The following GARIN1A variants were observed in gnomAD, a reference collection of about 807,000 sequenced individuals.
The protein encoded by GARIN1A is Golgi-associated RAB2 interactor protein 1A.
chr7:128,682,696 G>A, the GARIN1A span, among the ~76,000 whole-genome samples: 1 of 152,088 alleles, frequency 6.6e-6, no homozygotes, highest in African/African-American at 2.4e-5. Flanking sequence ...TCATGCCTCA[G>A]CCTCCCGAGT....
At chr7:128,704,725 A>G in the GARIN1A span, among the ~76,000 whole-genome samples, 1 of 152,118 alleles carries the variant, frequency 6.6e-6, no homozygotes, top group Non-Finnish European at 1.5e-5. Context: ...CTTGGGTGAT[A>G]ATGTAAGCAA....
At chr7:128,680,652 C>A in the GARIN1A span, among the ~76,000 whole-genome samples, 2 of 151,684 alleles carry the variant, frequency 1.3e-5, no homozygotes, top group Non-Finnish European at 2.9e-5. Context: ...GCAAACTCCA[C>A]CTCCTGGGTT....
the GARIN1A span, chr7:128,684,300 T>C: frequency 6.6e-6 from 1 of 152,250 alleles, no homozygotes; most frequent in East Asian, 1.9e-4. Flanking sequence ...TCCTTTGTGT[T>C]GCTCCACTAT....
the GARIN1A span, among the ~76,000 whole-genome samples, chr7:128,692,498 G>A: frequency 1.3e-5 from 2 of 152,116 alleles, no homozygotes; most frequent in African/African-American, 4.8e-5. Context: ...AAAGAGAAAA[G>A]AAACAAAACA....
the GARIN1A span, among the ~76,000 whole-genome samples, chr7:128,681,883 C>CT: frequency 4.0e-5 from 4 of 99,892 alleles, no homozygotes; most frequent in African/African-American, 1.6e-4. Flanking sequence ...CACACTGCAC[C>CT]CCCCCCCACA....
the GARIN1A span, among the ~76,000 whole-genome samples, chr7:128,699,720 A>G: frequency 4.6e-5 from 7 of 152,168 alleles, no homozygotes; most frequent in Admixed American, 2.0e-4. Context: ...TTCTCTGCCT[A>G]TGGTCTATTA....
the GARIN1A span, among the ~76,000 whole-genome samples, chr7:128,704,621 G>T: frequency 4.6e-5 from 7 of 152,160 alleles, no homozygotes; most frequent in Non-Finnish European, 8.8e-5. Context: ...CTTACAAGGA[G>T]CGTGCAACCT....
the GARIN1A span, chr7:128,678,015 C>CTTTTT: frequency 5.3e-4 from 91 of 173,102 alleles, 4 homozygotes; most frequent in African/African-American, 2.1e-3. Context: ...AGAAATGTTT[C>CTTTTT]TTTTTTTTTT....
chr7:128,695,499 T>C, the GARIN1A span, among the ~76,000 whole-genome samples: 7 of 152,208 alleles, frequency 4.6e-5, no homozygotes, highest in Non-Finnish European at 8.8e-5. This position sits in a 1 kb window ranked among gnomAD's most constrained non-coding sequence, Gnocchi z 4.5. Context: ...AAGTATAGAT[T>C]ACACCACTGC....
the GARIN1A span, chr7:128,677,582 CGTGGA>C: frequency 6.2e-7 from 1 of 1,608,626 alleles, no homozygotes; most frequent in South Asian, 1.1e-5. Flanking sequence ...CCCTGAAGTA[CGTGGA>C]GCTACGAATC....
chr7:128,689,234 A>C, the GARIN1A span, among the ~76,000 whole-genome samples: 1 of 151,882 alleles, frequency 6.6e-6, no homozygotes, highest in Non-Finnish European at 1.5e-5. Context: ...CCGTCTGGGA[A>C]GTGAGAAGCG....
chr7:128,703,896 C>T, the GARIN1A span, among the ~76,000 whole-genome samples: 1 of 152,060 alleles, frequency 6.6e-6, no homozygotes, highest in Non-Finnish European at 1.5e-5. Flanking sequence ...AGGAACAGCA[C>T]GAGAGGTGAC....
At chr7:128,682,875 C>T in the GARIN1A span, 8 of 1,061,318 alleles carry the variant, frequency 7.5e-6, no homozygotes, top group Non-Finnish European at 1.1e-5. Context: ...CTGCACCCAG[C>T]TGAAAGTGGT....
the GARIN1A span, among the ~76,000 whole-genome samples, chr7:128,703,411 C>T: frequency 4.6e-5 from 7 of 152,306 alleles, no homozygotes; most frequent in East Asian, 1.3e-3. Context: ...CTACACACTT[C>T]TACATAACCC....
the GARIN1A span, among the ~76,000 whole-genome samples, chr7:128,694,981 A>G: frequency 2.0e-5 from 3 of 152,204 alleles, no homozygotes; most frequent in Non-Finnish European, 4.4e-5. Context: ...CATTATCTCT[A>G]TAGCAAGTTG....
the GARIN1A span, among the ~76,000 whole-genome samples, chr7:128,678,902 C>A: frequency 6.6e-6 from 1 of 151,214 alleles, no homozygotes; most frequent in Non-Finnish European, 1.5e-5. Context: ...GAAGTGGCAT[C>A]TCTGATTTTC....
chr7:128,672,972 A>T, the GARIN1A span, among the ~76,000 whole-genome samples: 1 of 152,182 alleles, frequency 6.6e-6, no homozygotes, highest in Non-Finnish European at 1.5e-5. Flanking sequence ...CACTGGGTAA[A>T]TAGGTGTTGC....
chr7:128,672,658 C>CGGGGGGG, the GARIN1A span: 2 of 116,144 alleles, frequency 1.7e-5, no homozygotes, highest in Non-Finnish European at 3.6e-5. Context: ...GAGGGGGGGG[C>CGGGGGGG]GGGGGGACAA....
chr7:128,701,776 G>A, the GARIN1A span, among the ~76,000 whole-genome samples: 3 of 152,214 alleles, frequency 2.0e-5, no homozygotes, highest in Non-Finnish European at 1.5e-5. Flanking sequence ...TTAAAACAGA[G>A]AACAAAGAAC....
Sources: gnomAD v4.1 joint callset for allele counts (sites outside exome capture counted in the v4.1 genomes callset) on GRCh38, gnomAD v4.1.1 for gene constraint, Gnocchi (gnomAD v3.1) non-coding constraint, MANE v1.5 for transcripts, NCBI Gene and HGNC (gene_info 2026-07-23, HGNC 2026-07-21) for gene names.